GALNT17: variants seen among roughly 807,000 people sequenced by gnomAD.
The protein encoded by GALNT17 is polypeptide N-acetylgalactosaminyltransferase 17.
In GALNT17, 29 loss-of-function variants were observed where a neutral mutation model predicts 63.7. That is an observed-to-expected ratio of 0.46 (90% CI 0.34 to 0.62). The LOEUF (loss-of-function observed/expected upper bound fraction) is 0.62. Among genes scored for constraint, GALNT17 ranks in the 20% least tolerant of loss-of-function variants. GALNT17 has a pLI of 0.01. For missense variants in GALNT17, 603 were observed against 799.6 expected, an observed-to-expected ratio of 0.75 and a Z score of 2.97; for synonymous variants, 305 against 318.3, an observed-to-expected ratio of 0.96 and a Z score of 0.45.
chr7:71,480,972 T>G (rs1787807814), intron 5 of GALNT17, among the ~76,000 whole-genome samples: 1 of 152,210 alleles, frequency 6.6e-6, no homozygotes, highest in Non-Finnish European at 1.5e-5. Flanking sequence ...AGGGAACCTC[T>G]GCCACCAGCC....
intron 1 of GALNT17, among the ~76,000 whole-genome samples, chr7:71,197,719 T>C (rs1244296669): frequency 1.3e-5 from 2 of 152,144 alleles, no homozygotes; most frequent in Non-Finnish European, 2.9e-5. Flanking sequence ...TGTGCCTGGC[T>C]TATTTCACTT....
intron 5 of GALNT17, among the ~76,000 whole-genome samples, chr7:71,545,829 GA>G (rs1246608126): frequency 6.6e-6 from 1 of 152,202 alleles, no homozygotes; most frequent in Non-Finnish European, 1.5e-5. Flanking sequence ...CTTCAGCTAT[GA>G]AATTCTGGGT....
intron 5 of GALNT17, among the ~76,000 whole-genome samples, chr7:71,498,091 C>G (rs1460906892): frequency 6.6e-6 from 1 of 152,130 alleles, no homozygotes; most frequent in Non-Finnish European, 1.5e-5. Flanking sequence ...GAGGTTATTC[C>G]TGAAGGCGGG....
chr7:71,670,570 T>A (rs530619440), intron 8 of GALNT17, among the ~76,000 whole-genome samples: 2 of 152,268 alleles, frequency 1.3e-5, no homozygotes, highest in South Asian at 4.2e-4. Flanking sequence ...GCAAAGCGAT[T>A]TTTCTCTTAT....
intron 6 of GALNT17, among the ~76,000 whole-genome samples, chr7:71,632,545 C>G (rs1051055746): frequency 6.6e-6 from 1 of 152,068 alleles, no homozygotes; most frequent in African/African-American, 2.4e-5. Flanking sequence ...CACTTTCAGC[C>G]GAGCTGAATA....
intron 6 of GALNT17, among the ~76,000 whole-genome samples, chr7:71,609,791 ATAACT>A (rs751921150): frequency 2.6e-5 from 4 of 152,132 alleles, no homozygotes; most frequent in Non-Finnish European, 5.9e-5. Flanking sequence ...ATAGTCAATA[ATAACT>A]TAATTATTAC....
At chr7:71,652,901 G>C (rs1790773855) in intron 6 of GALNT17, among the ~76,000 whole-genome samples, 1 of 152,218 alleles carries the variant, frequency 6.6e-6, no homozygotes. Flanking sequence ...TGCAGCGAGA[G>C]AAAGTGAGGC....
At chr7:71,388,181 G>T (rs1273304053) in intron 2 of GALNT17, 54 bp from the exon 3 acceptor site, 1 of 1,577,600 alleles carries the variant, frequency 6.3e-7, no homozygotes, top group Non-Finnish European at 8.7e-7. Flanking sequence ...CAGCTGCAGT[G>T]CCTGAGCTTT....
Position 71,677,274 on chromosome 7 carries a change from A to C in GALNT17, c.1468A>C (p.Ile490Leu). Reference sequence around the variant, plus strand: ...GGGGCCGCTGGAGAACCACACAGCAATATTGTATCCGTGCCATGGCTGGGG... The same window carrying C: ...GGGGCCGCTGGAGAACCACACAGCACTATTGTATCCGTGCCATGGCTGGGG... ...DQGPLENHTA[I>L]LYPCHGWGPQ... Residue 490 changes from isoleucine to leucine, a missense_variant, in exon 9 of 11, where the codon ATA (isoleucine) becomes CTA (leucine). Physicochemically the swap from Ile to Leu is conservative, Grantham distance 5. Transcript: ENST00000333538. The C allele has an allele frequency of 6.2e-7, 1 of 1,614,034 alleles. No homozygotes were observed. The highest frequency in any genetic ancestry group is 8.5e-7 in the Non-Finnish European group (1 of 1,179,978).
chr7:71,237,572 C>T (rs1789918204), intron 1 of GALNT17, among the ~76,000 whole-genome samples: 1 of 151,130 alleles, frequency 6.6e-6, no homozygotes, highest in African/African-American at 2.4e-5. Context: ...GTAGTCCCAG[C>T]TACTCAGGAG....
chr7:71,544,679 A>G (rs1170358667), intron 5 of GALNT17, among the ~76,000 whole-genome samples: 1 of 151,984 alleles, frequency 6.6e-6, no homozygotes, highest in African/African-American at 2.4e-5. Flanking sequence ...AAATTTCTAG[A>G]AGTTTTTAGC....
At chr7:71,238,602 C>T (rs573262284) in intron 1 of GALNT17, among the ~76,000 whole-genome samples, 96 of 152,236 alleles carry the variant, frequency 6.3e-4, no homozygotes, top group African/African-American at 2.2e-3. Context: ...CTCGCCAGCC[C>T]TGTGAATGAC....
At chr7:71,679,111 G>A (rs1791197203) in intron 9 of GALNT17, among the ~76,000 whole-genome samples, 1 of 152,144 alleles carries the variant, frequency 6.6e-6, no homozygotes, top group Non-Finnish European at 1.5e-5. Flanking sequence ...TTCTCTGTAG[G>A]GAAATGGGGA....
Position 71,710,820 on chromosome 7 carries a change from C to G in GALNT17, c.1560C>G (p.Leu520=). The change falls in exon 10 of 11, where the codon CTC becomes CTG. Residue 520 remains leucine, a synonymous_variant. Coordinates refer to ENST00000333538, the MANE Select transcript of GALNT17 (RefSeq NM_022479.3). ...TGGGTGCCCTGGGGACCACCACACT[C>G]CTCCCTGACACCCGCTGCCTGGTGG... ...LHLGALGTTT[L]LPDTRCLVDN... is the part of the protein sequence containing the mutation. The G allele has an allele frequency of 2.5e-6, 4 of 1,613,654 alleles. No individual in the cohort carries two copies. Among genetic ancestry groups the G allele is most frequent in the Non-Finnish European group, 3.4e-6 (4 of 1,179,962 alleles).
In GALNT17 at chr7:71,463,934, C is replaced by T. The variant is rs568420109; in HGVS notation, c.962+42829C>T. Among the ~76,000 whole-genome samples, 27 of 152,246 alleles carry T rather than the reference C, an allele frequency of 1.8e-4. No homozygotes were observed. In the East Asian group the frequency reaches 5.0e-3, roughly 28 times the overall value. ...AGGTCTTTGTGACCTGTATCTTGTG[C>T]CCATCCCTTATCTCATCCTGTGACT... On this transcript the variant is annotated intron_variant, in intron 5 of 10. Coordinates refer to ENST00000333538, the MANE Select transcript of GALNT17 (RefSeq NM_022479.3).
chr7:71,238,754 A>T (rs967348722), intron 1 of GALNT17, among the ~76,000 whole-genome samples: 43 of 152,286 alleles, frequency 2.8e-4, no homozygotes, highest in Non-Finnish European at 5.1e-4. Flanking sequence ...TCCAGCATTT[A>T]TACCCTTGTT....
At chr7:71,593,738 AAGGAGAATG>A (rs1459615965) in intron 6 of GALNT17, among the ~76,000 whole-genome samples, 7 of 152,226 alleles carry the variant, frequency 4.6e-5, no homozygotes, top group African/African-American at 1.7e-4. Flanking sequence ...GAAAATCTAA[AAGGAGAATG>A]AGGAGAATGC....
At chr7:71,170,826 G>A (rs575426017) in intron 1 of GALNT17, among the ~76,000 whole-genome samples, 4 of 152,164 alleles carry the variant, frequency 2.6e-5, no homozygotes, top group Non-Finnish European at 5.9e-5. Flanking sequence ...GGGGTCATAT[G>A]ATTTCGAACT....
intron 6 of GALNT17, among the ~76,000 whole-genome samples, chr7:71,637,489 A>ATTT (rs78580954): frequency 0.089 from 12,811 of 143,762 alleles, 793 homozygotes; most frequent in African/African-American, 0.18. Context: ...GCACCTGGCC[A>ATTT]TTTTTTTTTT....
Sources: gnomAD v4.1 joint callset for allele counts (sites outside exome capture counted in the v4.1 genomes callset) on GRCh38, gnomAD v4.1.1 for gene constraint, MANE v1.5 for transcripts, NCBI Gene and HGNC (gene_info 2026-07-23, HGNC 2026-07-21) for gene names.